The following CREB3L2 variants were observed in gnomAD, a reference collection of about 807,000 sequenced individuals.
CREB3L2 encodes cAMP responsive element binding protein 3 like 2.
A neutral mutation model predicts 57.2 loss-of-function variants in CREB3L2; 23 were observed. The observed-to-expected ratio is 0.40, with a 90% CI of 0.29 to 0.57. CREB3L2 has a LOEUF of 0.57. Ranked by LOEUF, CREB3L2 falls within the 20% of genes least tolerant of loss-of-function variation. CREB3L2 has a pLI of 0.42. For synonymous variants in CREB3L2, 268 were observed against 265.1 expected (o/e 1.01, Z -0.11); for missense variants, 628 against 634.7 (o/e 0.99, Z 0.11).
At chr7:137,918,312 T>G (rs976686306) in intron 2 of CREB3L2, among the ~76,000 whole-genome samples, 3 of 152,122 alleles carry the variant, frequency 2.0e-5, no homozygotes, top group African/African-American at 7.2e-5. Flanking sequence ...TGCCTCAGCC[T>G]CCTGAGTAGC....
intron 1 of CREB3L2, among the ~76,000 whole-genome samples, chr7:137,967,966 G>A (rs1801435807): frequency 6.6e-6 from 1 of 152,182 alleles, no homozygotes; most frequent in Admixed American, 6.5e-5. Flanking sequence ...TCAACACAAT[G>A]CTGCAAGGTA....
intron 1 of CREB3L2, among the ~76,000 whole-genome samples, chr7:137,937,944 G>C (rs921975302): frequency 6.6e-6 from 1 of 151,782 alleles, no homozygotes; most frequent in Non-Finnish European, 1.5e-5. Context: ...GGCATTGAGA[G>C]ATGATATTTA....
intron 2 of CREB3L2, among the ~76,000 whole-genome samples, chr7:137,919,753 C>G (rs186311314): frequency 2.2e-4 from 34 of 152,190 alleles, no homozygotes; most frequent in African/African-American, 7.5e-4. Context: ...ATGTATACAG[C>G]CTTTTTAATT....
rs60762009 is a variant in CREB3L2, at chr7:137,999,379, TACACACACACACACAC to T, written c.102+2209_102+2224del. Among the ~76,000 whole-genome samples, 159 of 142,422 alleles carry T rather than the reference TACACACACACACACAC, an allele frequency of 1.1e-3. 2 individuals carry two copies. Among genetic ancestry groups the T allele is most frequent in the African/African-American group, 3.6e-3 (141 of 38,742 alleles). The allele number at this position is 142,422 out of a possible 152,430, so 93.4% of individuals were successfully genotyped here. A position where few individuals can be genotyped will look rare whatever the true frequency, so the allele number is the denominator to read the frequency against. ...ATAATGTTTATTGTTTATGTTCCCCTACACACACACACACACACACACACACACACACACACACACG... is the reference window on the plus strand; with the variant it reads ...ATAATGTTTATTGTTTATGTTCCCCTACACACACACACACACACACACACG... On this transcript the variant is annotated intron_variant, in intron 1 of 11. Coordinates refer to ENST00000330387, the MANE Select transcript of CREB3L2 (RefSeq NM_194071.4).
intron 1 of CREB3L2, among the ~76,000 whole-genome samples, chr7:137,987,898 C>T (rs993002018): frequency 6.6e-6 from 1 of 152,174 alleles, no homozygotes; most frequent in South Asian, 2.1e-4. Flanking sequence ...ACTCACAAGA[C>T]ATTTTCTTAC....
intron 3 of CREB3L2, 89 bp from the exon 4 acceptor site, chr7:137,913,167 C>G (rs1800053529): frequency 7.5e-7 from 1 of 1,324,796 alleles, no homozygotes; most frequent in South Asian, 1.4e-5. Context: ...CTGTGTCTTC[C>G]TCTCGGGACA....
At chr7:137,963,095 C>T (rs1801352895) in intron 1 of CREB3L2, among the ~76,000 whole-genome samples, 3 of 152,182 alleles carry the variant, frequency 2.0e-5, no homozygotes. Flanking sequence ...CCCTCCTTCA[C>T]GTTCCTTCTG....
At position 137,879,531 on chromosome 7, in the gene CREB3L2, T is replaced by A. The variant is rs1199979374; in HGVS notation, c.*945A>T. ...CTCATCCTAGAGGCAGACACATACA[T>A]GCTCAAAGGAACTTCTTTTTCAATG... On this transcript the variant is annotated 3_prime_UTR_variant, in exon 12 of 12. Coordinates refer to ENST00000330387, the MANE Select transcript of CREB3L2 (RefSeq NM_194071.4). The A allele has an allele frequency of 8.0e-6, 2 of 250,236 alleles. No homozygotes were observed. The highest frequency in any genetic ancestry group is 1.6e-5 in the Non-Finnish European group (2 of 128,482). The allele number at this position is 250,236 out of a possible 1,614,324, so 15.5% of individuals were successfully genotyped here. A position where few individuals can be genotyped will look rare whatever the true frequency, so the allele number is the denominator to read the frequency against.
intron 1 of CREB3L2, among the ~76,000 whole-genome samples, chr7:137,987,137 C>T (rs1437824140): frequency 1.3e-5 from 2 of 152,184 alleles, no homozygotes; most frequent in African/African-American, 4.8e-5. Flanking sequence ...CCTGGCAGTG[C>T]CTCAGAAATG....
At chr7:137,883,515 G>A (rs1163927012) in intron 10 of CREB3L2, among the ~76,000 whole-genome samples, 1 of 152,166 alleles carries the variant, frequency 6.6e-6, no homozygotes, top group African/African-American at 2.4e-5. Context: ...GGGTTCATAT[G>A]CCTTTTCCTA....
intron 1 of CREB3L2, among the ~76,000 whole-genome samples, chr7:137,951,709 A>G (rs935591801): frequency 1.3e-5 from 2 of 152,248 alleles, no homozygotes; most frequent in Non-Finnish European, 2.9e-5. Context: ...CAGGCCAGAC[A>G]TGGTGGCTCA....
intron 2 of CREB3L2, among the ~76,000 whole-genome samples, chr7:137,926,582 G>T (rs1263142860): frequency 2.0e-5 from 3 of 152,088 alleles, no homozygotes; most frequent in Non-Finnish European, 1.5e-5. Context: ...CTGTCGGTGG[G>T]TAGCGGGCAA....
chr7:137,879,603 A>C lies in CREB3L2; in HGVS notation c.*873T>G. ...AAAAACAAAGGAAAGGAAACAAAAC[A>C]TTGTCTGGAAAGACACGGGATCCCA... On this transcript the variant is annotated 3_prime_UTR_variant, in exon 12 of 12. Coordinates refer to ENST00000330387, the MANE Select transcript of CREB3L2 (RefSeq NM_194071.4). 1 of 246,026 alleles carries C rather than the reference A, an allele frequency of 4.1e-6. No individual in the cohort carries two copies. The highest frequency in any genetic ancestry group is 7.9e-6 in the Non-Finnish European group (1 of 126,160). 15.2% of individuals were successfully genotyped at this position (246,026 alleles called of 1,614,324 possible). A position where few individuals can be genotyped will look rare whatever the true frequency, so the allele number is the denominator to read the frequency against.
intron 4 of CREB3L2, among the ~76,000 whole-genome samples, chr7:137,910,335 T>C (rs1270324343): frequency 2.0e-5 from 3 of 152,050 alleles, no homozygotes; most frequent in African/African-American, 7.2e-5. Context: ...CCTTTTTCTC[T>C]GCCAGTCTTG....
chr7:137,907,064 G>C (rs1163330791), intron 5 of CREB3L2, among the ~76,000 whole-genome samples: 3 of 152,212 alleles, frequency 2.0e-5, no homozygotes, highest in Admixed American at 6.5e-5. Context: ...TAGGGCAGGA[G>C]ATGAGATTTG....
intron 1 of CREB3L2, among the ~76,000 whole-genome samples, chr7:137,934,808 ATC>A (rs1800745854): frequency 6.6e-6 from 1 of 152,216 alleles, no homozygotes; most frequent in Non-Finnish European, 1.5e-5. Flanking sequence ...ACATCACAGA[ATC>A]TCTCAGTTGG....
In CREB3L2 at chr7:137,980,286, C is replaced by T. The variant is rs1479849144; in HGVS notation, c.102+21318G>A. ...CCCAGAACCAATTAAATCAGAATCT[C>T]TTGGGCTGGGACCCAGGCATCAAAG... On this transcript the variant is annotated intron_variant, in intron 1 of 11. Transcript: ENST00000330387. This position sits in a 1 kb window ranked among gnomAD's most constrained non-coding sequence, Gnocchi z 4.3. Among the ~76,000 whole-genome samples, 1 of 152,214 alleles carries T rather than the reference C, an allele frequency of 6.6e-6. No homozygotes were observed. Among genetic ancestry groups the T allele is most frequent in the East Asian group, 1.9e-4 (1 of 5,194 alleles).
At chr7:137,969,802 C>T (rs1585666392) in intron 1 of CREB3L2, among the ~76,000 whole-genome samples, 2 of 129,282 alleles carry the variant, frequency 1.5e-5, no homozygotes, top group Middle Eastern at 7.2e-3. Flanking sequence ...ACAACATACA[C>T]ATACGCAGAA....
chr7:137,990,662 T>C (rs1385206444), intron 1 of CREB3L2, among the ~76,000 whole-genome samples: 1 of 152,194 alleles, frequency 6.6e-6, no homozygotes, highest in Non-Finnish European at 1.5e-5. Context: ...CTATGATTGG[T>C]AACCTTGGAT....
Sources: allele counts gnomAD v4.1 joint callset (sites outside exome capture counted in the v4.1 genomes callset), GRCh38; gene constraint gnomAD v4.1.1; non-coding constraint Gnocchi (gnomAD v3.1); transcripts MANE v1.5; gene names NCBI Gene and HGNC (gene_info 2026-07-23, HGNC 2026-07-21).